Variants in ANKRD36C observed in about 807,000 individuals in gnomAD.
ANKRD36C encodes ankyrin repeat domain-containing protein 36C.
In ANKRD36C, 61 loss-of-function variants were observed where a neutral mutation model predicts 276.4. That is an observed-to-expected ratio of 0.22 (90% CI 0.18 to 0.27). ANKRD36C has a LOEUF of 0.27. Ranked by LOEUF, ANKRD36C falls within the 10% of genes least tolerant of loss-of-function variation. ANKRD36C has a pLI of 1.00. For missense variants in ANKRD36C, 1,447 were observed against 2,032.3 expected, an observed-to-expected ratio of 0.71 and a Z score of 5.54; for synonymous variants, 483 against 680.1, an observed-to-expected ratio of 0.71 and a Z score of 4.51.
At chr2:95,878,205 T>C (rs1045441590) in intron 58 of ANKRD36C, among the ~76,000 whole-genome samples, 2 of 150,152 alleles carry the variant, frequency 1.3e-5, no homozygotes, top group Admixed American at 6.6e-5. Context: ...AAAAAGTGTA[T>C]AATAAGCTTT....
At chr2:95,980,693 T>C (rs1466990658) in exon 5 of ANKRD36C, 6 of 1,612,670 alleles carry the variant, frequency 3.7e-6, no homozygotes, top group East Asian at 4.5e-5. Flanking sequence ...AAGCTTTCCA[T>C]ACACATCTCG....
exon 10 of ANKRD36C, chr2:95,960,477 C>G: frequency 6.5e-7 from 1 of 1,538,998 alleles, no homozygotes; most frequent in Non-Finnish European, 8.7e-7. Flanking sequence ...AATTACCTGT[C>G]CCAGATTTTT....
At chr2:95,898,081 A>G (rs1002155711) in intron 44 of ANKRD36C, among the ~76,000 whole-genome samples, 2 of 149,084 alleles carry the variant, frequency 1.3e-5, no homozygotes, top group African/African-American at 4.9e-5. Flanking sequence ...AGTTTCTTGT[A>G]TCCACTAGTT....
intron 46 of ANKRD36C, among the ~76,000 whole-genome samples, chr2:95,890,210 C>T (rs778215796): frequency 6.6e-6 from 1 of 151,322 alleles, no homozygotes; most frequent in African/African-American, 2.4e-5. Flanking sequence ...TTTAAAGATG[C>T]TATGATCTGT....
intron 34 of ANKRD36C, 49 bp downstream of exon 36, chr2:95,919,684 T>C (rs2104419262): frequency 2.4e-6 from 2 of 825,594 alleles, no homozygotes; most frequent in Middle Eastern, 5.5e-4. Context: ...ATAGAGAAGT[T>C]CTTTTTTATC....
At chr2:95,859,863 C>A in exon 61 of ANKRD36C, 1 of 1,549,038 alleles carries the variant, frequency 6.5e-7, no homozygotes, top group East Asian at 2.5e-5. Context: ...GGTCATACCT[C>A]AAACTACAGA....
At chr2:95,987,334 C>G in intron 1 of ANKRD36C, 128 bp from the exon 2 acceptor site, 2 of 1,418,676 alleles carry the variant, frequency 1.4e-6, no homozygotes, top group South Asian at 3.0e-5. Context: ...CTTATTACCA[C>G]ATTAATGAAA....
chr2:95,874,833 G>T (rs998742257), intron 59 of ANKRD36C, among the ~76,000 whole-genome samples: 17 of 151,990 alleles, frequency 1.1e-4, no homozygotes, highest in Admixed American at 6.6e-5. Context: ...AAATTTACAA[G>T]AAAAAAACAA....
chr2:95,919,172 T>C (rs539021542), intron 34 of ANKRD36C, among the ~76,000 whole-genome samples: 3 of 134,726 alleles, frequency 2.2e-5, no homozygotes, highest in African/African-American at 7.5e-5. Context: ...ATATTCCAAA[T>C]GCAAGTGAAG....
chr2:95,897,766 T>C (rs1021420533), intron 44 of ANKRD36C, among the ~76,000 whole-genome samples: 1 of 148,712 alleles, frequency 6.7e-6, no homozygotes, highest in Non-Finnish European at 1.5e-5. Context: ...CAAAGTGATC[T>C]AAAATCAGAG....
At chr2:95,966,521 T>C (rs971026247) in intron 6 of ANKRD36C, among the ~76,000 whole-genome samples, 16 of 152,182 alleles carry the variant, frequency 1.1e-4, no homozygotes, top group Admixed American at 3.3e-4. Flanking sequence ...CATTGGTCTA[T>C]ATATCTCTTT....
chr2:95,934,258 T>C (rs1214577642), intron 24 of ANKRD36C, among the ~76,000 whole-genome samples: 1 of 152,034 alleles, frequency 6.6e-6, no homozygotes, highest in African/African-American at 2.4e-5. Flanking sequence ...ACTGAATACA[T>C]ACCCCAAAGA....
chr2:95,929,737 C>T (rs1677514630), intron 24 of ANKRD36C, among the ~76,000 whole-genome samples: 1 of 151,514 alleles, frequency 6.6e-6, no homozygotes, highest in Non-Finnish European at 1.5e-5. Flanking sequence ...AGAAGGTACA[C>T]AATTATAATG....
intron 42 of ANKRD36C, 47 bp downstream of exon 48, chr2:95,908,455 T>G: frequency 1.4e-6 from 2 of 1,420,600 alleles, no homozygotes; most frequent in South Asian, 1.3e-5. Flanking sequence ...AGAGAATTTC[T>G]TATCTATCTG....
At chr2:95,897,813 G>C (rs1330150448) in intron 44 of ANKRD36C, among the ~76,000 whole-genome samples, 1 of 145,362 alleles carries the variant, frequency 6.9e-6, no homozygotes, top group Non-Finnish European at 1.5e-5. Flanking sequence ...TGTCAAAGCA[G>C]GTGCTACATG....
chr2:95,891,640 A>G, intron 46 of ANKRD36C, 25 bp downstream of exon 66: 1 of 1,544,462 alleles, frequency 6.5e-7, no homozygotes, highest in Non-Finnish European at 8.7e-7. Context: ...ACTGAACATG[A>G]CATTAAATCT....
At chr2:95,850,990 T>C (rs1573713616), downstream of ANKRD36C, among the ~76,000 whole-genome samples, 3 of 152,324 alleles carry the variant, frequency 2.0e-5, no homozygotes, top group Admixed American at 2.0e-4. Context: ...AAAGCATAAG[T>C]ATTACCCTTC....
At position 95,851,208 on chromosome 2, in the gene ANKRD36C, AAATATTACTTAT is replaced by A. The variant is rs747472048; in HGVS notation, c.5314-25_5314-14del. Reference sequence around the variant, plus strand: ...ACACCTGCAGCATCTGAAATAAATCAAATATTACTTATAATGTTTCAGTCAAACAAGAGACAT... The same window carrying A: ...ACACCTGCAGCATCTGAAATAAATCAAATGTTTCAGTCAAACAAGAGACAT... On this transcript the variant is annotated splice_polypyrimidine_tract_variant and intron_variant, in intron 66 of 66. Transcript: ENST00000456556. 18 of 1,510,790 alleles carry A rather than the reference AAATATTACTTAT, an allele frequency of 1.2e-5. No individual in the cohort carries two copies. Among genetic ancestry groups the A allele is most frequent in the Non-Finnish European group, 1.6e-5 (18 of 1,108,664 alleles). The allele number at this position is 1,510,790 out of a possible 1,614,324, so 93.6% of individuals were successfully genotyped here.
At chr2:95,903,284 G>C (rs536786328) in intron 42 of ANKRD36C, among the ~76,000 whole-genome samples, 1 of 150,538 alleles carries the variant, frequency 6.6e-6, no homozygotes, top group South Asian at 2.1e-4. Flanking sequence ...TATAGTCTTA[G>C]AATTTCAAAC....
Sources: gnomAD v4.1 joint callset for allele counts (sites outside exome capture counted in the v4.1 genomes callset) on GRCh38, gnomAD v4.1.1 for gene constraint, MANE v1.5 for transcripts, NCBI Gene and HGNC (gene_info 2026-07-23, HGNC 2026-07-21) for gene names.